Variants in SNX13 observed in about 807,000 individuals in gnomAD.
SNX13 encodes sorting nexin-13.
Under a neutral mutation model 133.6 loss-of-function variants are expected in SNX13, and 45 were observed. The ratio of observed to expected loss-of-function variants is 0.34; its 90% CI spans 0.27 to 0.43. The LOEUF (loss-of-function observed/expected upper bound fraction) is 0.43, where lower values mean the gene tolerates loss of function less well. Among genes scored for constraint, SNX13 ranks in the 20% least tolerant of loss-of-function variants. The pLI, the probability that SNX13 is intolerant of heterozygous loss-of-function variation, is 1.00. For missense variants in SNX13, 1,032 were observed against 1,145.1 expected (o/e 0.90, Z 1.43); for synonymous variants, 414 against 373.9 (o/e 1.11, Z -1.24).
intron 13 of SNX13, among the ~76,000 whole-genome samples, chr7:17,839,302 T>C (rs1000420217): frequency 6.6e-6 from 1 of 151,194 alleles, no homozygotes; most frequent in African/African-American, 2.4e-5. Flanking sequence ...TTGTATATCC[T>C]TGATGTTTTT....
At chr7:17,849,802 C>A (rs1025767621) in intron 11 of SNX13, among the ~76,000 whole-genome samples, 13 of 152,214 alleles carry the variant, frequency 8.5e-5, no homozygotes, top group Admixed American at 2.6e-4. Flanking sequence ...ACAGGACTAA[C>A]TGCCTCATGT....
intron 20 of SNX13, among the ~76,000 whole-genome samples, chr7:17,814,205 A>T (rs570377150): frequency 6.6e-6 from 1 of 152,270 alleles, no homozygotes; most frequent in East Asian, 1.9e-4. Flanking sequence ...ATGAAATTTA[A>T]ATCTTCATTT....
intron 24 of SNX13, among the ~76,000 whole-genome samples, chr7:17,797,599 C>G (rs1784194184): frequency 6.6e-6 from 1 of 151,772 alleles, no homozygotes; most frequent in Admixed American, 6.6e-5. Flanking sequence ...ACATTAGAAG[C>G]ACCTGAGAGC....
intron 5 of SNX13, among the ~76,000 whole-genome samples, chr7:17,878,357 A>T (rs1162675137): frequency 6.6e-6 from 1 of 152,190 alleles, no homozygotes; most frequent in Non-Finnish European, 1.5e-5. Context: ...ATGGCCAAAA[A>T]AAGTGATACA....
Position 17,803,792 on chromosome 7 carries a change from T to C in SNX13, c.2065-212A>G, listed in dbSNP as rs193114986. 9.6e-3 allele frequency among the ~76,000 whole-genome samples: 1,456 copies of C among 151,536 alleles called. 12 individuals carry two copies. Among genetic ancestry groups the C allele is most frequent in the Middle Eastern group, 0.017 (5 of 292 alleles). ...TGGGCACAGTAGCTCATGCCTATAA[T>C]TGCAGCACTTCGGCAGGCTGTAGCA... On this transcript the variant is annotated intron_variant, in intron 20 of 25. Transcript: ENST00000428135.
intron 1 of SNX13, among the ~76,000 whole-genome samples, chr7:17,930,024 T>G (rs1038640900): frequency 6.6e-6 from 1 of 152,102 alleles, no homozygotes; most frequent in African/African-American, 2.4e-5. Context: ...AAATTCTAAG[T>G]TTTGAAAATA....
intron 3 of SNX13, 103 bp from the exon 4 acceptor site, chr7:17,891,738 A>T: frequency 1.5e-6 from 1 of 685,290 alleles, no homozygotes; most frequent in Non-Finnish European, 2.4e-6. Flanking sequence ...CATTATCCTC[A>T]AGTAAATAAA....
intron 9 of SNX13, among the ~76,000 whole-genome samples, chr7:17,858,044 C>A (rs930951813): frequency 6.6e-6 from 1 of 152,066 alleles, no homozygotes; most frequent in Non-Finnish European, 1.5e-5. Flanking sequence ...CAATTAAACA[C>A]CATATATGAC....
chr7:17,839,511 G>C (rs550097013), intron 13 of SNX13, among the ~76,000 whole-genome samples: 20 of 151,624 alleles, frequency 1.3e-4, no homozygotes, highest in Non-Finnish European at 2.9e-4. Context: ...ACTCTCTTTT[G>C]TTTACTTTTG....
At chr7:17,928,724 A>G (rs1801046597) in intron 1 of SNX13, among the ~76,000 whole-genome samples, 1 of 152,232 alleles carries the variant, frequency 6.6e-6, no homozygotes. Flanking sequence ...AGGTGTTAAG[A>G]TAACTTTCAG....
chr7:17,895,730 G>A (rs1797133327), intron 2 of SNX13, among the ~76,000 whole-genome samples: 1 of 152,080 alleles, frequency 6.6e-6, no homozygotes, highest in African/African-American at 2.4e-5. Context: ...TAAACTTTGT[G>A]CAGGATCTGG....
intron 5 of SNX13, chr7:17,879,701 T>C (rs1038700346): frequency 2.0e-5 from 3 of 152,262 alleles, no homozygotes; most frequent in Admixed American, 6.5e-5. Flanking sequence ...CTAAGCAGTG[T>C]ACAGCTCATC....
chr7:17,912,603 G>A (rs769981119), intron 1 of SNX13, among the ~76,000 whole-genome samples: 2 of 151,982 alleles, frequency 1.3e-5, no homozygotes, highest in African/African-American at 4.8e-5. Context: ...TAGAGACGGG[G>A]TTTACACCAT....
intron 5 of SNX13, chr7:17,881,744 A>C (rs2128364879): frequency 6.6e-6 from 1 of 151,278 alleles, no homozygotes; most frequent in East Asian, 1.9e-4. Context: ...CTTCACTCTA[A>C]ATACATAATC....
intron 24 of SNX13, among the ~76,000 whole-genome samples, chr7:17,798,328 A>C (rs1255265725): frequency 6.6e-6 from 1 of 151,900 alleles, no homozygotes; most frequent in Non-Finnish European, 1.5e-5. Flanking sequence ...TTTCATTTAA[A>C]ATGAAGGTTA....
In SNX13 at chr7:17,935,691, G is replaced by A. The variant is rs117322115; in HGVS notation, c.12+4593C>T. 1.6e-3 allele frequency among the ~76,000 whole-genome samples: 239 copies of A among 152,274 alleles called. 1 individual carries two copies. Among genetic ancestry groups the A allele is most frequent in the Non-Finnish European group, 2.7e-3 (187 of 68,014 alleles). The stretch of plus-strand genomic sequence containing the variant: ...CTCTTGGTTTGTCAAAAGATGCCAA[G>A]TAAGGCTGTGTGTAGAGTGGCAAGC... On this transcript the variant is annotated intron_variant, in intron 1 of 25. Transcript: ENST00000428135.
intron 10 of SNX13, 36 bp from the exon 11 acceptor site, chr7:17,850,471 G>A (rs2128326019): frequency 7.7e-7 from 1 of 1,290,364 alleles, no homozygotes; most frequent in Non-Finnish European, 1.1e-6. Context: ...GAAAGTGGTA[G>A]TGTTATTTAT....
intron 9 of SNX13, among the ~76,000 whole-genome samples, chr7:17,852,306 G>C (rs1791316061): frequency 6.6e-6 from 1 of 152,174 alleles, no homozygotes. Flanking sequence ...CCAGGAGGCG[G>C]AGGTTGAAGT....
chr7:17,807,375 C>T (rs932085031), intron 20 of SNX13, among the ~76,000 whole-genome samples: 1 of 152,122 alleles, frequency 6.6e-6, no homozygotes, highest in Non-Finnish European at 1.5e-5. Context: ...TCGAACTGGG[C>T]GGAGCCCACC....
Sources: gnomAD v4.1 joint callset for allele counts (sites outside exome capture counted in the v4.1 genomes callset) on GRCh38, gnomAD v4.1.1 for gene constraint, MANE v1.5 for transcripts, NCBI Gene and HGNC (gene_info 2026-07-23, HGNC 2026-07-21) for gene names.